Variants in GON4L observed in about 807,000 individuals in gnomAD.
GON4L encodes GON-4-like protein.
GON4L carries 87 observed loss-of-function variants against 211.8 expected under a neutral mutation model. The ratio of observed to expected loss-of-function variants is 0.41; its 90% confidence interval spans 0.35 to 0.49. The LOEUF (loss-of-function observed/expected upper bound fraction) is 0.49. Among genes scored for constraint, GON4L ranks in the 20% least tolerant of loss-of-function variants. GON4L has a pLI of 0.15. For synonymous variants in GON4L, 875 were observed against 962.6 expected (o/e 0.91, Z 1.68); for missense variants, 2,155 against 2,659.5 (o/e 0.81, Z 4.17).
In GON4L at chr1:155,844,452, T is replaced by C. The variant is rs946435497; in HGVS notation, c.505+8824A>G. Reference sequence around the variant, plus strand: ...GGGAACTGACCCCAACTATATCTGGTTGACCATAAAAAACACCCTCCTGGC... The same window carrying C: ...GGGAACTGACCCCAACTATATCTGGCTGACCATAAAAAACACCCTCCTGGC... On this transcript the variant is annotated intron_variant, in intron 2 of 31. Coordinates refer to ENST00000368331, the MANE Select transcript of GON4L (RefSeq NM_001282860.2). Among the ~76,000 whole-genome samples the C allele has an allele frequency of 3.9e-5, 6 of 152,126 alleles. No homozygotes were observed. In the South Asian group the frequency reaches 1.2e-3, roughly 32 times the overall value.
chr1:155,833,957 T>A (rs891104969), intron 2 of GON4L, among the ~76,000 whole-genome samples: 4 of 152,026 alleles, frequency 2.6e-5, no homozygotes, highest in Non-Finnish European at 5.9e-5. Flanking sequence ...CCTGAGTAGC[T>A]AGGACTACAG....
chr1:155,798,376 T>C (rs1386482218), intron 11 of GON4L, among the ~76,000 whole-genome samples: 1 of 150,070 alleles, frequency 6.7e-6, no homozygotes, highest in African/African-American at 2.4e-5. Flanking sequence ...ATCTCTATAG[T>C]ACTTTCTATA....
At chr1:155,758,946 T>TC (rs1391420564) in intron 24 of GON4L, among the ~76,000 whole-genome samples, 14 of 151,964 alleles carry the variant, frequency 9.2e-5, no homozygotes, top group African/African-American at 3.4e-4. Context: ...CACCTTAGCC[T>TC]CCCAAAGTGC....
At chr1:155,795,382 A>G (rs1415530396) in intron 11 of GON4L, among the ~76,000 whole-genome samples, 1 of 152,138 alleles carries the variant, frequency 6.6e-6, no homozygotes, top group East Asian at 1.9e-4. Flanking sequence ...ATACGCCACC[A>G]CACCCAGCTA....
intron 31 of GON4L, 42 bp downstream of exon 31, chr1:155,751,725 T>C (rs565734093): frequency 2.0e-5 from 26 of 1,297,958 alleles, no homozygotes; most frequent in Non-Finnish European, 1.5e-5. Context: ...GTTGGCCACC[T>C]TGACCTCTTT....
At chr1:155,796,142 T>C (rs993309891) in intron 11 of GON4L, among the ~76,000 whole-genome samples, 2 of 152,076 alleles carry the variant, frequency 1.3e-5, no homozygotes, top group Non-Finnish European at 2.9e-5. Flanking sequence ...GTACAATATA[T>C]ACATAATAAT....
At chr1:155,835,395 T>C (rs1670203840) in intron 2 of GON4L, among the ~76,000 whole-genome samples, 1 of 151,666 alleles carries the variant, frequency 6.6e-6, no homozygotes, top group African/African-American at 2.4e-5. Context: ...TCTGCTGACC[T>C]TCCCTCCACT....
chr1:155,779,733 A>G (rs1214751019), intron 14 of GON4L, among the ~76,000 whole-genome samples: 7 of 152,198 alleles, frequency 4.6e-5, no homozygotes, highest in Admixed American at 4.6e-4. Flanking sequence ...AGCCCTGGAA[A>G]AAGTCTCCCA....
intron 12 of GON4L, among the ~76,000 whole-genome samples, chr1:155,790,951 A>C (rs12407800): frequency 0.3 from 45,719 of 151,086 alleles, 7,412 homozygotes; most frequent in East Asian, 0.7. Context: ...TCAAAAAAAA[A>C]CCAACAAACT....
At chr1:155,747,863 T>C (rs200676591), downstream of GON4L, 151 of 1,587,380 alleles carry the variant, frequency 9.5e-5, no homozygotes, top group Middle Eastern at 1.5e-3. Context: ...GAATAATAAC[T>C]TGGGGCCTGC....
At chr1:155,856,359 C>T (rs1225213279) in intron 1 of GON4L, among the ~76,000 whole-genome samples, 1 of 151,960 alleles carries the variant, frequency 6.6e-6, no homozygotes, top group Non-Finnish European at 1.5e-5. Context: ...TCCCGAGTAG[C>T]TAGGACTACA....
At chr1:155,767,365 T>C in intron 20 of GON4L, 60 bp downstream of exon 20, 13 of 1,613,942 alleles carry the variant, frequency 8.1e-6, no homozygotes, top group Non-Finnish European at 1.0e-5. Context: ...GCCCTTGATA[T>C]TCTCTCAGAA....
At position 155,767,620 on chromosome 1, in the gene GON4L, G is replaced by T. The variant is rs1662664103; in HGVS notation, c.2647-79C>A. On this transcript the variant is annotated intron_variant, in intron 19 of 31. Transcript: ENST00000368331. ...CTGTCAGGCTGGTGAATGGGGTGGTGGTGGATCAAGAGAAACACACACACA... is the reference window on the plus strand; with the variant it reads ...CTGTCAGGCTGGTGAATGGGGTGGTTGTGGATCAAGAGAAACACACACACA... 15 of 1,504,230 alleles carry T rather than the reference G, an allele frequency of 1.0e-5. No individual in the cohort carries two copies. The South Asian group carries it at 1.8e-4, about 18-fold the overall frequency. The allele number at this position is 1,504,230 out of a possible 1,614,324, so 93.2% of individuals were successfully genotyped here. A position where few individuals can be genotyped will look rare whatever the true frequency, so the allele number is the denominator to read the frequency against.
chr1:155,771,688 G>T (rs968635207), intron 18 of GON4L, among the ~76,000 whole-genome samples: 1 of 151,520 alleles, frequency 6.6e-6, no homozygotes, highest in East Asian at 1.9e-4. Context: ...ATGTTGCCTG[G>T]GCTAATCTTA....
downstream of GON4L, chr1:155,748,438 A>T (rs1216132770): frequency 6.2e-7 from 1 of 1,610,940 alleles, no homozygotes; most frequent in African/African-American, 1.3e-5. Context: ...TCCTGGCTAC[A>T]GCCCTGGACA....
chr1:155,805,636 C>A (rs755306293), intron 10 of GON4L, among the ~76,000 whole-genome samples: 3 of 151,852 alleles, frequency 2.0e-5, no homozygotes, highest in Admixed American at 6.6e-5. Context: ...TGTCTCTGGC[C>A]GCTTTCAGTT....
Position 155,766,525 on chromosome 1 carries a change from G to A in GON4L, c.2948C>T (p.Pro983Leu). ...CTTCCTGGGGAAACGGGTGGCAACT[G>A]GCTTCAGTTTCAGGACTACACCCTT... is the stretch of plus-strand genomic sequence containing the variant. The part of the protein sequence containing the change: ...LPKGVVLKLK[P>L]VATRFPRKAW... The change falls in exon 21 of 32, where the codon CCA (proline) becomes CTA (leucine). Residue 983 changes from proline (P) to leucine (L), a missense_variant. Pro to Leu is a moderately conservative substitution (Grantham distance 98). Around this residue, in one of 6 missense-constraint regions of GON4L, gnomAD observed 615 missense variants for 625.7 expected, o/e 0.98. Coordinates refer to ENST00000368331, the MANE Select transcript of GON4L (RefSeq NM_001282860.2). 1 of 1,614,104 alleles carries A rather than the reference G, an allele frequency of 6.2e-7. No homozygotes were observed. The highest frequency in any genetic ancestry group is 8.5e-7 in the Non-Finnish European group (1 of 1,180,024).
chr1:155,810,016 A>ATT (rs1403167536), intron 10 of GON4L, among the ~76,000 whole-genome samples: 51 of 137,162 alleles, frequency 3.7e-4, no homozygotes, highest in Non-Finnish European at 4.3e-4. Context: ...ATATTTTTGA[A>ATT]ATGTAGTCTT....
intron 2 of GON4L, chr1:155,833,018 ACT>A (rs1161837267): frequency 1.3e-5 from 2 of 151,938 alleles, no homozygotes; most frequent in Non-Finnish European, 2.9e-5. Flanking sequence ...CTCATAGTGT[ACT>A]TTTATTGCTA....
Sources: gnomAD v4.1 joint callset for allele counts (sites outside exome capture counted in the v4.1 genomes callset) on GRCh38, gnomAD v4.1.1 for gene constraint, gnomAD v4.1.1 regional missense constraint, MANE v1.5 for transcripts, NCBI Gene and HGNC (gene_info 2026-07-23, HGNC 2026-07-21) for gene names.